The following HDAC4 variants were observed in gnomAD, a reference collection of about 807,000 sequenced individuals.
HDAC4 encodes histone deacetylase A.
HDAC4 carries 16 observed loss-of-function variants against 135.1 expected under a neutral mutation model. The ratio of observed to expected loss-of-function variants is 0.12; its 90% CI spans 0.08 to 0.18. HDAC4 has a LOEUF of 0.18. Ranked by LOEUF, HDAC4 falls within the 10% of genes least tolerant of loss-of-function variation. HDAC4 has a pLI of 1.00. For synonymous variants in HDAC4, 685 were observed against 653.4 expected, an observed-to-expected ratio of 1.05 and a Z score of -0.74; for missense variants, 1,143 against 1,511.8, an observed-to-expected ratio of 0.76 and a Z score of 4.05.
chr2:239,374,609 T>C (rs1159538254), intron 1 of HDAC4, among the ~76,000 whole-genome samples: 5 of 151,212 alleles, frequency 3.3e-5, no homozygotes, highest in Non-Finnish European at 7.4e-5. Flanking sequence ...TTCACCGTTT[T>C]AGCCAGGATG....
At chr2:239,156,294 C>T (rs949632556) in intron 7 of HDAC4, among the ~76,000 whole-genome samples, 7 of 152,218 alleles carry the variant, frequency 4.6e-5, no homozygotes, top group South Asian at 2.1e-4. Context: ...TGCTCTCAGA[C>T]GGCACATGGC....
intron 5 of HDAC4, among the ~76,000 whole-genome samples, chr2:239,172,293 A>AAAAAT (rs1278028621): frequency 8.7e-6 from 1 of 115,054 alleles, no homozygotes; most frequent in African/African-American, 3.1e-5. Flanking sequence ...GGTGAAAAAA[A>AAAAAT]ATATATATAT....
intron 12 of HDAC4, among the ~76,000 whole-genome samples, chr2:239,122,869 G>T (rs1394709306): frequency 6.6e-6 from 1 of 152,232 alleles, no homozygotes; most frequent in Non-Finnish European, 1.5e-5. Context: ...GGCTGGAGCA[G>T]CGCAGTGGGA....
At position 239,111,508 on chromosome 2, in the gene HDAC4, A is replaced by G. The variant is rs772330061; in HGVS notation, c.1978+18T>C. On this transcript the variant is annotated intron_variant, in intron 14 of 26. Transcript: ENST00000543185. ...GGCCCGCGTTGCACCCTCAGGCTGCACAAAGGCCACGTGTTACCTGTCGTG... is the reference window on the plus strand; with the variant it reads ...GGCCCGCGTTGCACCCTCAGGCTGCGCAAAGGCCACGTGTTACCTGTCGTG... The G allele has an allele frequency of 1.9e-6, 3 of 1,608,842 alleles. No individual in the cohort carries two copies. The Admixed American group carries it at 5.0e-5, about 27-fold the overall frequency.
chr2:239,127,480 C>T (rs2040274227), intron 11 of HDAC4, among the ~76,000 whole-genome samples: 3 of 152,166 alleles, frequency 2.0e-5, no homozygotes, highest in South Asian at 4.1e-4. Context: ...TGGTTTAGGT[C>T]GTTTAACATT....
intron 1 of HDAC4, among the ~76,000 whole-genome samples, chr2:239,358,902 T>C (rs1693687328): frequency 6.6e-6 from 1 of 152,206 alleles, no homozygotes; most frequent in South Asian, 2.1e-4. Context: ...AGCCTTACCG[T>C]ATCCAGGTAA....
At chr2:239,219,962 T>C (rs1575442547) in intron 3 of HDAC4, among the ~76,000 whole-genome samples, 2 of 152,092 alleles carry the variant, frequency 1.3e-5, no homozygotes, top group South Asian at 4.1e-4. Context: ...ACACAGGAGG[T>C]GTGCATACAG....
intron 24 of HDAC4, among the ~76,000 whole-genome samples, chr2:239,064,171 C>T (rs988077841): frequency 6.6e-6 from 1 of 152,252 alleles, no homozygotes; most frequent in African/African-American, 2.4e-5. Flanking sequence ...CTTGCTGTGC[C>T]GGGCAGTTTG....
intron 2 of HDAC4, among the ~76,000 whole-genome samples, chr2:239,326,565 A>T (rs2053475598): frequency 6.6e-6 from 1 of 152,256 alleles, no homozygotes; most frequent in African/African-American, 2.4e-5. Flanking sequence ...CAAAGAAATT[A>T]ATATACATGT....
At chr2:239,089,899 C>A in intron 18 of HDAC4, 110 bp downstream of exon 18, 1 of 825,426 alleles carries the variant, frequency 1.2e-6, no homozygotes, top group Non-Finnish European at 2.1e-6. Flanking sequence ...CTCCCCATCA[C>A]AGCCGCCTCC....
chr2:239,139,636 C>T lies in HDAC4; in HGVS notation c.978+48G>A, dbSNP rs369124920. ...GGGGTCATTTCAAGCTCATCCGTCC[C>T]GAGTCCGACTCTAGCCGTAGGACAC... On this transcript the variant is annotated intron_variant, in intron 9 of 26. Transcript: ENST00000543185. The surrounding 1 kb of genome is among the most constrained non-coding windows in gnomAD (Gnocchi z 5.3). 13 of 1,515,650 alleles carry T rather than the reference C, an allele frequency of 8.6e-6. No homozygotes were observed. The highest frequency in any genetic ancestry group is 5.5e-5 in the African/African-American group (4 of 72,956). 93.9% of individuals were successfully genotyped at this position (1,515,650 alleles called of 1,614,324 possible).
At chr2:239,319,474 C>T (rs1036060175) in intron 2 of HDAC4, among the ~76,000 whole-genome samples, 1 of 152,242 alleles carries the variant, frequency 6.6e-6, no homozygotes, top group East Asian at 1.9e-4. Context: ...CCGAGCAAGG[C>T]GCCCTGGTCA....
intron 16 of HDAC4, among the ~76,000 whole-genome samples, chr2:239,098,202 A>C (rs556589305): frequency 6.6e-6 from 1 of 152,374 alleles, no homozygotes; most frequent in East Asian, 1.9e-4. Context: ...TTTTGGTGAC[A>C]GTTGTGAGGA....
intron 2 of HDAC4, among the ~76,000 whole-genome samples, chr2:239,261,960 T>C (rs1003225390): frequency 6.6e-5 from 10 of 152,190 alleles, no homozygotes; most frequent in African/African-American, 2.4e-4. Flanking sequence ...ATGAAAGCAC[T>C]GCCTTCGTGA....
intron 6 of HDAC4, chr2:239,161,871 G>A (rs1048606185): frequency 8.1e-5 from 30 of 369,082 alleles, no homozygotes; most frequent in African/African-American, 4.9e-4. Flanking sequence ...GTCCCTCAGC[G>A]CCCTGAGGCT....
At chr2:239,156,968 T>C (rs1333576301) in intron 6 of HDAC4, among the ~76,000 whole-genome samples, 195 bp from the exon 7 acceptor site, 1 of 152,188 alleles carries the variant, frequency 6.6e-6, no homozygotes, top group African/African-American at 2.4e-5. Flanking sequence ...AAACATCCGA[T>C]GCCCACATCC....
intron 11 of HDAC4, among the ~76,000 whole-genome samples, chr2:239,130,532 A>C (rs568948737): frequency 7.2e-6 from 1 of 138,874 alleles, no homozygotes; most frequent in Non-Finnish European, 1.7e-5. Flanking sequence ...CGAGGCATAC[A>C]CATCTCCCTC....
At chr2:239,056,899 G>C (rs541571659) in intron 24 of HDAC4, among the ~76,000 whole-genome samples, 1 of 152,350 alleles carries the variant, frequency 6.6e-6, no homozygotes, top group East Asian at 1.9e-4. Flanking sequence ...ACCAGGAGAA[G>C]AAACTCAAAC....
At chr2:239,249,343 C>T (rs548257662) in intron 2 of HDAC4, among the ~76,000 whole-genome samples, 10 of 152,114 alleles carry the variant, frequency 6.6e-5, no homozygotes, top group East Asian at 1.9e-4. Context: ...GCGGGGGAGG[C>T]GGAGAGAGAG....
Sources: gnomAD v4.1 joint callset for allele counts (sites outside exome capture counted in the v4.1 genomes callset) on GRCh38, gnomAD v4.1.1 for gene constraint, Gnocchi (gnomAD v3.1) non-coding constraint, MANE v1.5 for transcripts, NCBI Gene and HGNC (gene_info 2026-07-23, HGNC 2026-07-21) for gene names.